The following GUCY1A1 variants were observed in gnomAD, a reference collection of about 807,000 sequenced individuals.
GUCY1A1 encodes the protein guanylate cyclase soluble subunit alpha-1.
A neutral mutation model predicts 64.5 loss-of-function variants in GUCY1A1; 48 were observed. That is an observed-to-expected ratio of 0.74 (90% CI 0.59 to 0.95). The LOEUF (loss-of-function observed/expected upper bound fraction) is 0.95. GUCY1A1 is among the 40% of genes least tolerant of loss of function. The pLI is 0.00. For synonymous variants in GUCY1A1, 308 were observed against 303.4 expected (o/e 1.02, Z -0.16); for missense variants, 804 against 825.3 (o/e 0.97, Z 0.32).
intron 5 of GUCY1A1, among the ~76,000 whole-genome samples, chr4:155,709,156 T>C (rs1294554370): frequency 6.6e-6 from 1 of 151,460 alleles, no homozygotes; most frequent in Non-Finnish European, 1.5e-5. Context: ...GAGGACTCTG[T>C]AACTATAAAA....
intron 3 of GUCY1A1, among the ~76,000 whole-genome samples, chr4:155,699,409 C>T (rs1730808533): frequency 6.6e-6 from 1 of 152,044 alleles, no homozygotes. Context: ...GACTAGGATG[C>T]AATACCAAAT....
At chr4:155,690,587 G>T (rs565644309) in intron 2 of GUCY1A1, among the ~76,000 whole-genome samples, 1 of 152,084 alleles carries the variant, frequency 6.6e-6, no homozygotes, top group Non-Finnish European at 1.5e-5. Flanking sequence ...ATCTTGCTCT[G>T]TCTTAACCTC....
intron 2 of GUCY1A1, among the ~76,000 whole-genome samples, chr4:155,668,435 T>G (rs1482111033): frequency 1.3e-5 from 2 of 152,236 alleles, no homozygotes; most frequent in African/African-American, 4.8e-5. Flanking sequence ...TCATTTGAAC[T>G]TCATTTATAA....
At chr4:155,677,758 A>G (rs1030121977) in intron 2 of GUCY1A1, among the ~76,000 whole-genome samples, 6 of 152,072 alleles carry the variant, frequency 3.9e-5, no homozygotes, top group African/African-American at 1.4e-4. Flanking sequence ...AAACTGAGGC[A>G]GGAGAACTGT....
intron 2 of GUCY1A1, among the ~76,000 whole-genome samples, chr4:155,692,147 A>G (rs1729828695): frequency 6.6e-6 from 1 of 152,126 alleles, no homozygotes; most frequent in African/African-American, 2.4e-5. Flanking sequence ...ATAACTACAT[A>G]TTATTCCATG....
At chr4:155,681,039 A>T (rs192771530) in intron 2 of GUCY1A1, among the ~76,000 whole-genome samples, 214 of 152,240 alleles carry the variant, frequency 1.4e-3, no homozygotes, top group African/African-American at 5.0e-3. Flanking sequence ...AATGGCTAGG[A>T]CCTAACTTCT....
At chr4:155,727,906 C>G (rs1006969310) in intron 9 of GUCY1A1, among the ~76,000 whole-genome samples, 2 of 151,892 alleles carry the variant, frequency 1.3e-5, no homozygotes, top group African/African-American at 4.8e-5. Flanking sequence ...TATGTACTCT[C>G]TGCAGACAGT....
chr4:155,700,678 G>A (rs894108843), intron 3 of GUCY1A1, among the ~76,000 whole-genome samples: 1 of 152,132 alleles, frequency 6.6e-6, no homozygotes, highest in African/African-American at 2.4e-5. Context: ...GGGAACAAGT[G>A]TCCCCTCTGT....
chr4:155,705,613 A>T (rs1731657691), intron 4 of GUCY1A1, among the ~76,000 whole-genome samples: 1 of 152,174 alleles, frequency 6.6e-6, no homozygotes, highest in African/African-American at 2.4e-5. Context: ...TTGGTCTATA[A>T]ATAATAGAAT....
intron 9 of GUCY1A1, 134 bp from the exon 10 acceptor site, chr4:155,729,896 G>A (rs1262587162): frequency 2.7e-5 from 16 of 597,730 alleles, no homozygotes; most frequent in African/African-American, 9.3e-5. Context: ...TGTTAATCTC[G>A]TTAGACTTTT....
intron 2 of GUCY1A1, among the ~76,000 whole-genome samples, chr4:155,682,401 G>A (rs995176118): frequency 6.6e-6 from 1 of 152,044 alleles, no homozygotes; most frequent in Admixed American, 6.6e-5. Flanking sequence ...ATTCGACTGG[G>A]CACGGTGGCT....
chr4:155,689,994 C>T (rs1729526341), intron 2 of GUCY1A1, among the ~76,000 whole-genome samples: 1 of 152,122 alleles, frequency 6.6e-6, no homozygotes, highest in African/African-American at 2.4e-5. Context: ...ATGCCCTACT[C>T]AGTAATAGAA....
At chr4:155,729,749 A>G (rs1028433902) in intron 9 of GUCY1A1, among the ~76,000 whole-genome samples, 10 of 152,012 alleles carry the variant, frequency 6.6e-5, no homozygotes, top group Non-Finnish European at 4.4e-5. Flanking sequence ...TTTTTTCACT[A>G]CTGCAAATTG....
At chr4:155,704,314 C>T (rs566608687) in intron 4 of GUCY1A1, among the ~76,000 whole-genome samples, 131 of 152,146 alleles carry the variant, frequency 8.6e-4, no homozygotes, top group Non-Finnish European at 1.6e-3. Flanking sequence ...TTAACAAGCT[C>T]CTGTAAGGCC....
intron 3 of GUCY1A1, among the ~76,000 whole-genome samples, chr4:155,702,475 T>G (rs909220827): frequency 6.6e-6 from 1 of 152,184 alleles, no homozygotes; most frequent in Non-Finnish European, 1.5e-5. Context: ...ATGAGAAAGA[T>G]GTCTAGGAAA....
At chr4:155,676,324 A>G (rs1270270935) in intron 2 of GUCY1A1, among the ~76,000 whole-genome samples, 2 of 145,064 alleles carry the variant, frequency 1.4e-5, no homozygotes, top group African/African-American at 2.6e-5. Context: ...TTTTTTAACA[A>G]TTTTGTTGCC....
intron 2 of GUCY1A1, among the ~76,000 whole-genome samples, chr4:155,669,451 TTC>T (rs900937755): frequency 2.0e-5 from 3 of 152,028 alleles, no homozygotes; most frequent in African/African-American, 7.2e-5. Flanking sequence ...TAAAATCGTT[TTC>T]TGTCATTCGG....
intron 4 of GUCY1A1, among the ~76,000 whole-genome samples, chr4:155,707,176 A>G (rs1731892548): frequency 6.6e-6 from 1 of 152,196 alleles, no homozygotes; most frequent in Non-Finnish European, 1.5e-5. Flanking sequence ...CAGAATTACC[A>G]TCCTCTTCTT....
chr4:155,698,851 G>A (rs1328947779), intron 3 of GUCY1A1, among the ~76,000 whole-genome samples: 3 of 152,010 alleles, frequency 2.0e-5, no homozygotes, highest in African/African-American at 7.2e-5. Context: ...GCTTTCCATT[G>A]AGTTTTTCAG....
Sources: allele counts gnomAD v4.1 joint callset (sites outside exome capture counted in the v4.1 genomes callset), GRCh38; gene constraint gnomAD v4.1.1; transcripts MANE v1.5; gene names NCBI Gene and HGNC (gene_info 2026-07-23, HGNC 2026-07-21).